The following PFDN4 variants were observed in gnomAD, a reference collection of about 807,000 sequenced individuals.
PFDN4 encodes the protein prefoldin 4.
A neutral mutation model predicts 17.6 loss-of-function variants in PFDN4; 6 were observed. The ratio of observed to expected loss-of-function variants is 0.34; its 90% confidence interval spans 0.19 to 0.67. The LOEUF (loss-of-function observed/expected upper bound fraction) is 0.67. PFDN4 is among the 30% of genes least tolerant of loss of function. The pLI is 0.68. For missense variants in PFDN4, 119 were observed against 158.4 expected (o/e 0.75, Z 1.33); for synonymous variants, 48 against 51.1 (o/e 0.94, Z 0.26).
At chr20:54,216,244 A>G (rs2092762267) in intron 3 of PFDN4, among the ~76,000 whole-genome samples, 1 of 152,190 alleles carries the variant, frequency 6.6e-6, no homozygotes, top group Admixed American at 6.5e-5. Context: ...TTCAGTTCAC[A>G]TGCCTTCTTA....
intron 1 of PFDN4, among the ~76,000 whole-genome samples, chr20:54,210,060 T>A (rs1486480390): frequency 6.6e-6 from 1 of 152,194 alleles, no homozygotes; most frequent in Non-Finnish European, 1.5e-5. Flanking sequence ...TAAGTTGAGA[T>A]CTGTGAGATT....
intron 1 of PFDN4, 83 bp downstream of exon 1, chr20:54,208,207 G>T (rs371196062): frequency 3.1e-6 from 4 of 1,285,468 alleles, no homozygotes; most frequent in East Asian, 3.0e-5. Flanking sequence ...TGCTGGGGGT[G>T]CGCAGCTCCG....
At chr20:54,214,904 T>G (rs956906753) in intron 2 of PFDN4, among the ~76,000 whole-genome samples, 7 of 152,250 alleles carry the variant, frequency 4.6e-5, no homozygotes, top group African/African-American at 1.7e-4. Flanking sequence ...TTATCACTTA[T>G]GCATGCTGGC....
At chr20:54,211,642 C>T (rs1364886180) in intron 1 of PFDN4, among the ~76,000 whole-genome samples, 1 of 152,132 alleles carries the variant, frequency 6.6e-6, no homozygotes. Context: ...CTCTTCCCAC[C>T]ACTCTGTGTG....
At chr20:54,216,587 T>G (rs988756727) in intron 3 of PFDN4, among the ~76,000 whole-genome samples, 7 of 152,202 alleles carry the variant, frequency 4.6e-5, no homozygotes, top group African/African-American at 1.7e-4. Flanking sequence ...TTATGGTTTT[T>G]GTGGCTATTG....
At chr20:54,212,492 AG>A (rs1361084555) in intron 1 of PFDN4, among the ~76,000 whole-genome samples, 1 of 152,240 alleles carries the variant, frequency 6.6e-6, no homozygotes, top group African/African-American at 2.4e-5. Flanking sequence ...TGCTTTGGAA[AG>A]ACAGAAAGCA....
At chr20:54,211,062 C>T (rs1205507395) in intron 1 of PFDN4, among the ~76,000 whole-genome samples, 6 of 151,890 alleles carry the variant, frequency 4.0e-5, no homozygotes, top group Non-Finnish European at 8.8e-5. Context: ...TCCAGCCTGG[C>T]GATAGAGCAA....
At chr20:54,210,464 C>T (rs1160240553) in intron 1 of PFDN4, among the ~76,000 whole-genome samples, 1 of 152,162 alleles carries the variant, frequency 6.6e-6, no homozygotes, top group Non-Finnish European at 1.5e-5. Context: ...GCAAATCGTA[C>T]AATCTGGAGT....
At chr20:54,208,861 T>C (rs1475554490) in intron 1 of PFDN4, 1 of 152,260 alleles carries the variant, frequency 6.6e-6, no homozygotes. Context: ...ACAGAGCAGT[T>C]AGAGGCCCTA....
intron 3 of PFDN4, among the ~76,000 whole-genome samples, chr20:54,217,308 G>C (rs951091439): frequency 5.9e-5 from 9 of 152,094 alleles, no homozygotes; most frequent in African/African-American, 1.9e-4. Context: ...GGTTCTAGTC[G>C]TGAGAAGCAA....
intron 1 of PFDN4, among the ~76,000 whole-genome samples, chr20:54,212,819 GATATAGAC>G (rs367845086): frequency 1.7e-3 from 256 of 152,380 alleles, no homozygotes; most frequent in African/African-American, 6.0e-3. Context: ...TGTGTGCCAA[GATATAGAC>G]TTTGGTTTCT....
At position 54,219,624 on chromosome 20, in the gene PFDN4, AAT is replaced by A. The variant is rs2092767169; in HGVS notation, c.*479_*480del. 2 of 395,284 alleles carry A rather than the reference AAT, an allele frequency of 5.1e-6. No homozygotes were observed. The highest frequency in any genetic ancestry group is 8.9e-6 in the Non-Finnish European group (2 of 224,600). 24.5% of individuals were successfully genotyped at this position (395,284 alleles called of 1,614,324 possible). A position where few individuals can be genotyped will look rare whatever the true frequency, so the allele number is the denominator to read the frequency against. ...AATATATATGTATATATTTTATTTA[AAT>A]ATATGTTACATATTATATTTAAACA... On this transcript the variant is annotated 3_prime_UTR_variant, in exon 4 of 4. Coordinates refer to ENST00000371419, the MANE Select transcript of PFDN4 (RefSeq NM_002623.4).
At chr20:54,212,436 T>C (rs2092757224) in intron 1 of PFDN4, among the ~76,000 whole-genome samples, 5 of 152,150 alleles carry the variant, frequency 3.3e-5, no homozygotes, top group Admixed American at 3.3e-4. Flanking sequence ...AGGGGCCACA[T>C]GTGTGCTGAT....
chr20:54,208,981 G>T (rs769725008), intron 1 of PFDN4: 3 of 152,162 alleles, frequency 2.0e-5, no homozygotes, highest in Admixed American at 6.5e-5. Flanking sequence ...TCCATGTGGG[G>T]TTTTTAATCC....
intron 3 of PFDN4, among the ~76,000 whole-genome samples, chr20:54,215,744 A>G (rs969555110): frequency 6.6e-6 from 1 of 152,242 alleles, no homozygotes; most frequent in Non-Finnish European, 1.5e-5. Context: ...AAGGTATAGC[A>G]TATATTGAAG....
At chr20:54,212,577 T>A (rs1450196262) in intron 1 of PFDN4, among the ~76,000 whole-genome samples, 1 of 152,258 alleles carries the variant, frequency 6.6e-6, no homozygotes, top group Non-Finnish European at 1.5e-5. Flanking sequence ...TAGATTCAAA[T>A]TCAGAAACCA....
intron 1 of PFDN4, among the ~76,000 whole-genome samples, chr20:54,211,491 T>C (rs1236261418): frequency 6.6e-6 from 1 of 152,244 alleles, no homozygotes; most frequent in East Asian, 1.9e-4. Flanking sequence ...ATCATCAGGC[T>C]TTCTCCTACA....
Position 54,208,092 on chromosome 20 carries a change from A to G in PFDN4, c.-9A>G, listed in dbSNP as rs1343669899. The G allele has an allele frequency of 6.4e-7, 1 of 1,552,992 alleles. No homozygotes were observed. Among genetic ancestry groups the G allele is most frequent in the East Asian group, 2.5e-5 (1 of 40,618 alleles). ...CCCTCCCCGCCGCCTGCGGTAGTCC[A>G]GTCCCAAGATGGCGGCCACCATGAA... On this transcript the variant is annotated 5_prime_UTR_variant, in exon 1 of 4. Transcript: ENST00000371419.
chr20:54,219,499 G>C lies in PFDN4; in HGVS notation c.*349G>C. 2.6e-6 allele frequency: 1 copy of C among 386,104 alleles called. No individual in the cohort carries two copies. The allele number at this position is 386,104 out of a possible 1,614,324, so 23.9% of individuals were successfully genotyped here. A position where few individuals can be genotyped will look rare whatever the true frequency, so the allele number is the denominator to read the frequency against. ...CAGTTGTGTCATGTTGTTTCTGTCT[G>C]ATTTTAATTGCTGTCTAATGACGGG... On this transcript the variant is annotated 3_prime_UTR_variant, in exon 4 of 4. Transcript: ENST00000371419.
Sources: allele counts gnomAD v4.1 joint callset (sites outside exome capture counted in the v4.1 genomes callset), GRCh38; gene constraint gnomAD v4.1.1; transcripts MANE v1.5; gene names NCBI Gene and HGNC (gene_info 2026-07-23, HGNC 2026-07-21).